The following DHRSX variants were observed in gnomAD, a reference collection of about 807,000 sequenced individuals.
DHRSX encodes the protein polyprenol dehydrogenase.
Under a neutral mutation model 34.0 loss-of-function variants are expected in DHRSX, and 31 were observed. That is an observed-to-expected ratio of 0.91 (90% CI 0.69 to 1.23). The LOEUF (loss-of-function observed/expected upper bound fraction) is 1.23. Ranked by LOEUF, DHRSX falls within the 50% of genes most tolerant of loss-of-function variation. The probability of loss-of-function intolerance (pLI) is 0.00; values close to 1 mark genes in which losing one functional copy is unlikely to be tolerated. For missense variants in DHRSX, 414 were observed against 428.1 expected, an observed-to-expected ratio of 0.97 and a Z score of 0.29; for synonymous variants, 201 against 183.8, an observed-to-expected ratio of 1.09 and a Z score of -0.76.
intron 3 of DHRSX, among the ~76,000 whole-genome samples, chrX:2,324,935 A>G (rs2042359826): frequency 9.6e-6 from 1 of 104,030 alleles, no homozygotes; most frequent in Non-Finnish European, 1.9e-5. Context: ...AGCCCGGCTA[A>G]TTTTTGTTTT....
chrX:2,315,271 G>A (rs1489784786), intron 3 of DHRSX, among the ~76,000 whole-genome samples: 1 of 152,120 alleles, frequency 6.6e-6, no homozygotes, highest in Non-Finnish European at 1.5e-5. Context: ...CATTGTGGAG[G>A]TTTGACCTAA....
rs755736026 is a variant in DHRSX at position 2,324,057 on chromosome X, G to GA, written c.287-32455dup. On this transcript the variant is annotated intron_variant, in intron 3 of 6. Transcript: ENST00000334651. Reference sequence around the variant, plus strand: ...GGGTAACAGATGGAGACCCTGTCTGGAAAAAAAAAAAAAAAAAGATTTTGC... The same window carrying GA: ...GGGTAACAGATGGAGACCCTGTCTGGAAAAAAAAAAAAAAAAAAGATTTTGC... Among the ~76,000 whole-genome samples, 402 of 143,074 alleles carry GA rather than the reference G, an allele frequency of 2.8e-3. 3 individuals are homozygous for GA. In the Middle Eastern group the frequency reaches 0.028, roughly 10 times the overall value. The allele number at this position is 143,074 out of a possible 152,430, so 93.9% of individuals were successfully genotyped here.
intron 1 of DHRSX, among the ~76,000 whole-genome samples, chrX:2,475,545 G>C (rs1429746700): frequency 6.6e-6 from 1 of 151,996 alleles, no homozygotes; most frequent in African/African-American, 2.4e-5. Context: ...CTAAGCATGT[G>C]GCTAAGGGAC....
At chrX:2,340,968 A>G (rs1296633360) in intron 3 of DHRSX, among the ~76,000 whole-genome samples, 2 of 152,120 alleles carry the variant, frequency 1.3e-5, no homozygotes, top group Non-Finnish European at 2.9e-5. Flanking sequence ...GCGGAGGACC[A>G]AGAATGGACA....
intron 3 of DHRSX, among the ~76,000 whole-genome samples, chrX:2,345,636 C>T (rs1398086943): frequency 8.5e-6 from 1 of 118,246 alleles, no homozygotes; most frequent in African/African-American, 3.4e-5. Flanking sequence ...GCCTGGGCAA[C>T]AAGAGTGAAA....
intron 3 of DHRSX, among the ~76,000 whole-genome samples, chrX:2,331,535 C>G (rs1250700711): frequency 1.4e-5 from 2 of 147,602 alleles, no homozygotes; most frequent in Admixed American, 7.0e-5. Context: ...GCAACCTCCA[C>G]CTCCCAGGTT....
At chrX:2,253,602 C>CA (rs946824406) in intron 5 of DHRSX, among the ~76,000 whole-genome samples, 9 of 152,162 alleles carry the variant, frequency 5.9e-5, no homozygotes, top group African/African-American at 1.9e-4. Flanking sequence ...CAAAATGAAA[C>CA]AAAAAATCAT....
At chrX:2,373,218 A>G (rs928731748) in intron 3 of DHRSX, among the ~76,000 whole-genome samples, 10 of 152,106 alleles carry the variant, frequency 6.6e-5, no homozygotes, top group African/African-American at 2.4e-4. Context: ...CCATGATTCA[A>G]TTTCCTCCAC....
intron 1 of DHRSX, among the ~76,000 whole-genome samples, chrX:2,498,311 A>G (rs1356420584): frequency 4.6e-5 from 7 of 152,200 alleles, no homozygotes; most frequent in Admixed American, 1.3e-4. Context: ...GCTTAGCTCA[A>G]ATGCCCTGGA....
intron 1 of DHRSX, chrX:2,490,063 G>A: frequency 6.2e-7 from 1 of 1,613,780 alleles, no homozygotes; most frequent in East Asian, 2.2e-5. Context: ...GGGCGCCCAG[G>A]CCCAGGAAGT....
At chrX:2,420,950 G>A (rs1285032064) in intron 2 of DHRSX, among the ~76,000 whole-genome samples, 2 of 152,044 alleles carry the variant, frequency 1.3e-5, no homozygotes, top group African/African-American at 4.8e-5. Context: ...AGCCAAACAC[G>A]ATGTTATCAT....
intron 1 of DHRSX, among the ~76,000 whole-genome samples, chrX:2,432,238 A>G (rs1216801081): frequency 6.6e-6 from 1 of 152,020 alleles, no homozygotes; most frequent in East Asian, 1.9e-4. Flanking sequence ...TAGAAGTTGG[A>G]GGGGGAAAAA....
At chrX:2,265,740 T>C (rs2041450873) in intron 5 of DHRSX, among the ~76,000 whole-genome samples, 2 of 137,240 alleles carry the variant, frequency 1.5e-5, no homozygotes, top group African/African-American at 2.8e-5. Context: ...CAGGGAGCAT[T>C]GTCCCCAGAG....
intron 1 of DHRSX, chrX:2,488,969 T>C: frequency 1.9e-6 from 3 of 1,598,132 alleles, no homozygotes; most frequent in African/African-American, 1.3e-5. Flanking sequence ...GGGGTCTTCG[T>C]TGAGGCCAAG....
intron 1 of DHRSX, among the ~76,000 whole-genome samples, chrX:2,446,737 C>G (rs1229599272): frequency 1.3e-5 from 2 of 149,666 alleles, no homozygotes; most frequent in East Asian, 2.0e-4. Flanking sequence ...GCCAAGGGAT[C>G]GACACCATGT....
intron 5 of DHRSX, among the ~76,000 whole-genome samples, chrX:2,251,190 A>C (rs1393988658): frequency 4.6e-5 from 7 of 152,260 alleles, no homozygotes; most frequent in African/African-American, 1.7e-4. Flanking sequence ...CTGTTCAAAG[A>C]CTTTCCTCCC....
At chrX:2,490,809 A>C in intron 1 of DHRSX, 1 of 1,526,746 alleles carries the variant, frequency 6.5e-7, no homozygotes, top group Non-Finnish European at 8.8e-7. Context: ...ATGAGAAGGG[A>C]CCCAGGCACG....
intron 1 of DHRSX, among the ~76,000 whole-genome samples, chrX:2,484,227 C>T (rs961717259): frequency 6.6e-6 from 1 of 152,192 alleles, no homozygotes; most frequent in African/African-American, 2.4e-5. Context: ...CCCGCCTCGG[C>T]CTCCCAAAGT....
intron 2 of DHRSX, among the ~76,000 whole-genome samples, chrX:2,420,131 G>A (rs767482802): frequency 5.5e-4 from 84 of 152,224 alleles, no homozygotes; most frequent in African/African-American, 1.9e-3. Flanking sequence ...GAATGAGGCC[G>A]GGCGCAGTGG....
Sources: allele counts gnomAD v4.1 joint callset (sites outside exome capture counted in the v4.1 genomes callset), GRCh38; gene constraint gnomAD v4.1.1; transcripts MANE v1.5; gene names NCBI Gene and HGNC (gene_info 2026-07-23, HGNC 2026-07-21).